The following NPAS3 variants were observed in gnomAD, a reference collection of about 807,000 sequenced individuals.
NPAS3 encodes the protein neuronal PAS domain-containing protein 3.
A neutral mutation model predicts 73.1 loss-of-function variants in NPAS3; 14 were observed. The observed-to-expected ratio is 0.19, with a 90% CI of 0.13 to 0.30. The LOEUF is 0.30. Ranked by LOEUF, NPAS3 falls within the 10% of genes least tolerant of loss-of-function variation. NPAS3 has a pLI of 1.00. For missense variants in NPAS3, 1,096 were observed against 1,250.0 expected (o/e 0.88, Z 1.86); for synonymous variants, 620 against 541.5 (o/e 1.14, Z -2.01).
chr14:33,346,527 CAAAAAAAAAAAA>C (rs33926266), intron 3 of NPAS3, among the ~76,000 whole-genome samples: 7 of 70,942 alleles, frequency 9.9e-5, no homozygotes, highest in African/African-American at 3.7e-4. Flanking sequence ...GACCCTGTCT[CAAAAAAAAAAAA>C]AAAAAAAAAA....
chr14:33,308,510 T>TTATATATATATATATATA (rs67518761), intron 3 of NPAS3, among the ~76,000 whole-genome samples: 19 of 83,526 alleles, frequency 2.3e-4, no homozygotes, highest in African/African-American at 3.7e-4. Context: ...ATTGCATAGT[T>TTATATATATATATATATA]TATATATATA....
chr14:33,775,883 G>A (rs896929880), intron 8 of NPAS3, among the ~76,000 whole-genome samples: 1 of 152,180 alleles, frequency 6.6e-6, no homozygotes. Context: ...TGGGGCGTGT[G>A]CAAAGCTCAT....
At chr14:33,240,282 C>T (rs1372105871) in intron 3 of NPAS3, among the ~76,000 whole-genome samples, 1 of 151,854 alleles carries the variant, frequency 6.6e-6, no homozygotes, top group Non-Finnish European at 1.5e-5. Flanking sequence ...CCATAGTTTA[C>T]TACTCAACAT....
At chr14:33,787,791 T>C (rs2063225150) in intron 9 of NPAS3, among the ~76,000 whole-genome samples, 1 of 152,168 alleles carries the variant, frequency 6.6e-6, no homozygotes, top group African/African-American at 2.4e-5. Flanking sequence ...CTGGCTATAA[T>C]TGTGTTTCTC....
At chr14:33,632,396 G>A (rs1416085546) in intron 5 of NPAS3, among the ~76,000 whole-genome samples, 2 of 152,112 alleles carry the variant, frequency 1.3e-5, no homozygotes, top group Non-Finnish European at 2.9e-5. Flanking sequence ...TTAAAATGTT[G>A]ACTTAAGACA....
At chr14:33,308,531 T>C (rs12887128) in intron 3 of NPAS3, among the ~76,000 whole-genome samples, 79,488 of 113,932 alleles carry the variant, frequency 0.7, 29,193 homozygotes, top group Admixed American at 0.75. Context: ...TATATATACA[T>C]ACACACACAC....
At chr14:33,389,351 G>C (rs551683721) in intron 4 of NPAS3, among the ~76,000 whole-genome samples, 2 of 152,258 alleles carry the variant, frequency 1.3e-5, no homozygotes, top group Admixed American at 1.3e-4. Context: ...TTTGAAACCA[G>C]CTTTACCATG....
At chr14:33,774,597 G>A (rs571507948) in intron 8 of NPAS3, 67 bp downstream of exon 8, 142 of 1,311,970 alleles carry the variant, frequency 1.1e-4, no homozygotes, top group South Asian at 2.6e-4. Flanking sequence ...TGTTTCAGCC[G>A]TCTGAAGGAT....
chr14:33,172,343 G>A (rs1046749678), intron 2 of NPAS3, among the ~76,000 whole-genome samples: 4 of 152,298 alleles, frequency 2.6e-5, no homozygotes, highest in East Asian at 3.9e-4. Flanking sequence ...AGTAGAGTCT[G>A]CTCATTTTTG....
intron 2 of NPAS3, among the ~76,000 whole-genome samples, chr14:33,198,737 C>T (rs1175761719): frequency 2.0e-5 from 3 of 152,220 alleles, no homozygotes. Flanking sequence ...CGCCATTCGC[C>T]TGCACTCCTG....
intron 3 of NPAS3, among the ~76,000 whole-genome samples, chr14:33,278,382 T>C (rs535843205): frequency 6.6e-6 from 1 of 151,794 alleles, no homozygotes; most frequent in Non-Finnish European, 1.5e-5. Context: ...GAAGGATGAG[T>C]TCTGGGAAAG....
At chr14:33,499,646 C>T (rs562899861) in intron 4 of NPAS3, among the ~76,000 whole-genome samples, 1 of 151,942 alleles carries the variant, frequency 6.6e-6, no homozygotes, top group African/African-American at 2.4e-5. Context: ...GGTGTGCCTC[C>T]CAACTTGCTT....
At chr14:33,177,075 TTA>T (rs1280300862) in intron 2 of NPAS3, among the ~76,000 whole-genome samples, 5 of 77,400 alleles carry the variant, frequency 6.5e-5, no homozygotes, top group African/African-American at 1.9e-4. Context: ...TATCTTTTTA[TTA>T]TTATTATTAT....
At chr14:33,793,799 C>T in intron 9 of NPAS3, 98 bp from the exon 10 acceptor site, 2 of 1,191,706 alleles carry the variant, frequency 1.7e-6, no homozygotes, top group Non-Finnish European at 1.2e-6. Context: ...GTAGGTCCTC[C>T]CATTTTTAGG....
At chr14:33,132,514 G>A (rs541221294) in intron 2 of NPAS3, among the ~76,000 whole-genome samples, 2 of 152,212 alleles carry the variant, frequency 1.3e-5, no homozygotes, top group South Asian at 4.2e-4. Flanking sequence ...GTTAGAGATG[G>A]AAATTGAGAT....
intron 3 of NPAS3, among the ~76,000 whole-genome samples, chr14:33,288,410 T>C (rs531918426): frequency 6.6e-6 from 1 of 152,214 alleles, no homozygotes; most frequent in South Asian, 2.1e-4. Context: ...TTATGAACTT[T>C]GGAATGGGCG....
chr14:33,696,770 T>C (rs151246170), intron 6 of NPAS3, among the ~76,000 whole-genome samples: 42 of 152,312 alleles, frequency 2.8e-4, no homozygotes, highest in African/African-American at 9.1e-4. Flanking sequence ...AAATTCAGTA[T>C]GTTTTGTTTC....
chr14:32,959,676 A>T (rs1464196346), intron 1 of NPAS3, among the ~76,000 whole-genome samples: 1 of 152,208 alleles, frequency 6.6e-6, no homozygotes, highest in African/African-American at 2.4e-5. Context: ...ATGAATATAC[A>T]CATAGTGCTG....
rs143304736 is a variant in NPAS3, at chr14:33,787,679, A to G, written c.1154-6218A>G. On this transcript the variant is annotated intron_variant, in intron 9 of 11. Transcript: ENST00000356141. ...ATCTAGCTCACTAATTGCAAAATCTATAGAAAAGTCTGCACAGCATCAAAG... is the reference window on the plus strand; with the variant it reads ...ATCTAGCTCACTAATTGCAAAATCTGTAGAAAAGTCTGCACAGCATCAAAG... Among the ~76,000 whole-genome samples, 83 of 152,168 alleles carry G rather than the reference A, an allele frequency of 5.5e-4. 1 individual carries two copies. The East Asian group carries it at 0.015, about 27-fold the overall frequency.
Sources: allele counts gnomAD v4.1 joint callset (sites outside exome capture counted in the v4.1 genomes callset), GRCh38; gene constraint gnomAD v4.1.1; transcripts MANE v1.5; gene names NCBI Gene and HGNC (gene_info 2026-07-23, HGNC 2026-07-21).